The following COX7B2 variants were observed in gnomAD, a reference collection of about 807,000 sequenced individuals.
COX7B2 encodes cytochrome c oxidase subunit 7B2, mitochondrial.
For missense variants in COX7B2, 109 were observed against 95.9 expected (o/e 1.14, Z -0.57); for synonymous variants, 37 against 32.1 (o/e 1.15, Z -0.51).
chr4:46,872,163 C>A (rs976193768), intron 1 of COX7B2, among the ~76,000 whole-genome samples: 1 of 152,154 alleles, frequency 6.6e-6, no homozygotes, highest in Admixed American at 6.5e-5. Context: ...GAGATCATGT[C>A]TTTTGTGGGA....
chr4:46,855,101 G>C (rs540537437), intron 1 of COX7B2, among the ~76,000 whole-genome samples: 121 of 152,236 alleles, frequency 7.9e-4, no homozygotes, highest in African/African-American at 2.8e-3. Context: ...GCTGAGGCAG[G>C]TGGATCACCT....
At chr4:46,823,344 G>A (rs1001344934) in intron 2 of COX7B2, among the ~76,000 whole-genome samples, 1 of 151,378 alleles carries the variant, frequency 6.6e-6, no homozygotes, top group East Asian at 1.9e-4. Context: ...CATATATAAT[G>A]TGTGTATGTA....
At chr4:46,785,231 AC>A (rs1244211774) in intron 2 of COX7B2, among the ~76,000 whole-genome samples, 2 of 152,202 alleles carry the variant, frequency 1.3e-5, no homozygotes, top group Non-Finnish European at 2.9e-5. Context: ...GCAGATGAGA[AC>A]CTGTTGAAGA....
intron 2 of COX7B2, among the ~76,000 whole-genome samples, chr4:46,831,769 C>G (rs1715125689): frequency 6.6e-6 from 1 of 152,148 alleles, no homozygotes; most frequent in Non-Finnish European, 1.5e-5. Flanking sequence ...ATGCACCAAT[C>G]AGCACTCTGT....
At chr4:46,831,680 G>A (rs1179848603) in intron 2 of COX7B2, among the ~76,000 whole-genome samples, 1 of 152,118 alleles carries the variant, frequency 6.6e-6, no homozygotes, top group Admixed American at 6.5e-5. Flanking sequence ...AATCTGGAGG[G>A]GACTTGGAGA....
At chr4:46,765,667 C>A (rs944042461) in intron 2 of COX7B2, among the ~76,000 whole-genome samples, 9 of 151,988 alleles carry the variant, frequency 5.9e-5, no homozygotes, top group African/African-American at 2.2e-4. Flanking sequence ...TCCAGGCCCA[C>A]ACCAACATCA....
In COX7B2 at chr4:46,804,234, G is replaced by A. The variant is rs555098536; in HGVS notation, c.-50+40726C>T. ...GTGAGTGTTACAGCTCATAAAGGTA[G>A]TGCGGACCCAAAGAGTGAGCAGTAG... On this transcript the variant is annotated intron_variant, in intron 2 of 2. Coordinates refer to ENST00000355591, the MANE Select transcript of COX7B2 (RefSeq NM_130902.3). Among the ~76,000 whole-genome samples, 3 of 152,260 alleles carry A rather than the reference G, an allele frequency of 2.0e-5. 1 individual carries two copies. The South Asian group carries it at 6.2e-4, about 32-fold the overall frequency.
At chr4:46,888,963 A>G (rs1719255247) in intron 1 of COX7B2, among the ~76,000 whole-genome samples, 1 of 152,200 alleles carries the variant, frequency 6.6e-6, no homozygotes, top group African/African-American at 2.4e-5. Context: ...TACATTTTAA[A>G]GTAACTAAGA....
Position 46,735,245 on chromosome 4 carries a change from G to A in COX7B2, c.-49-4C>T. 6.3e-7 allele frequency: 1 copy of A among 1,597,972 alleles called. No homozygotes were observed. The highest frequency in any genetic ancestry group is 8.5e-7 in the Non-Finnish European group (1 of 1,172,282). On this transcript the variant is annotated splice_polypyrimidine_tract_variant and splice_region_variant and intron_variant, in intron 2 of 2. Coordinates refer to ENST00000355591, the MANE Select transcript of COX7B2 (RefSeq NM_130902.3). ...GGTCTATTTTGTTGCAAAGAGGCTGGAAAGAGAGAAAAGATATGCATTGAT... is the reference window on the plus strand; with the variant it reads ...GGTCTATTTTGTTGCAAAGAGGCTGAAAAGAGAGAAAAGATATGCATTGAT...
At chr4:46,866,394 C>A (rs1422826210) in intron 1 of COX7B2, among the ~76,000 whole-genome samples, 7 of 152,296 alleles carry the variant, frequency 4.6e-5, no homozygotes, top group African/African-American at 1.7e-4. Flanking sequence ...TCCGACCCTG[C>A]AACTAACTAC....
intron 1 of COX7B2, among the ~76,000 whole-genome samples, chr4:46,893,427 T>C (rs1315343846): frequency 1.3e-5 from 2 of 152,208 alleles, no homozygotes; most frequent in Admixed American, 6.5e-5. Flanking sequence ...TGCACTAGCC[T>C]GTGAGTTCTC....
chr4:46,808,769 T>A (rs968460511), intron 2 of COX7B2, among the ~76,000 whole-genome samples: 1 of 151,876 alleles, frequency 6.6e-6, no homozygotes, highest in African/African-American at 2.4e-5. Flanking sequence ...ACACCAGTGC[T>A]TTTTCTGCAT....
chr4:46,864,991 A>T (rs939640293), intron 1 of COX7B2, among the ~76,000 whole-genome samples: 1 of 152,030 alleles, frequency 6.6e-6, no homozygotes, highest in Non-Finnish European at 1.5e-5. Flanking sequence ...TTGGGGATAC[A>T]TGTGTTTTTT....
intron 1 of COX7B2, among the ~76,000 whole-genome samples, chr4:46,862,740 T>TA (rs1243560636): frequency 6.6e-6 from 1 of 152,176 alleles, no homozygotes; most frequent in Non-Finnish European, 1.5e-5. Flanking sequence ...GTTCAGACTT[T>TA]AAAAATGTTT....
intron 2 of COX7B2, among the ~76,000 whole-genome samples, chr4:46,802,076 G>T (rs558647175): frequency 4.6e-5 from 7 of 152,236 alleles, no homozygotes; most frequent in African/African-American, 1.7e-4. Context: ...AAGGCAATGA[G>T]ATTTCAGTTT....
chr4:46,743,615 G>A (rs748812592), intron 2 of COX7B2, among the ~76,000 whole-genome samples: 15 of 152,084 alleles, frequency 9.9e-5, no homozygotes, highest in East Asian at 1.9e-4. Context: ...ACGGGGTTTC[G>A]ATGTTATCTA....
intron 2 of COX7B2, among the ~76,000 whole-genome samples, chr4:46,803,197 C>T (rs1718755130): frequency 6.6e-6 from 1 of 152,040 alleles, no homozygotes; most frequent in Admixed American, 6.6e-5. Flanking sequence ...TAGCATTTAA[C>T]AACCTTTGGC....
intron 1 of COX7B2, among the ~76,000 whole-genome samples, chr4:46,849,823 G>A (rs1367507011): frequency 6.6e-6 from 1 of 151,926 alleles, no homozygotes; most frequent in Non-Finnish European, 1.5e-5. Context: ...ATCTCCAAAT[G>A]CTATCCCTCC....
At chr4:46,806,578 T>C (rs1297131905) in intron 2 of COX7B2, among the ~76,000 whole-genome samples, 3 of 152,086 alleles carry the variant, frequency 2.0e-5, no homozygotes, top group African/African-American at 7.2e-5. Flanking sequence ...ATGAATCCTG[T>C]ATACAATACA....
Sources: gnomAD v4.1 joint callset for allele counts (sites outside exome capture counted in the v4.1 genomes callset) on GRCh38, gnomAD v4.1.1 for gene constraint, MANE v1.5 for transcripts, NCBI Gene and HGNC (gene_info 2026-07-23, HGNC 2026-07-21) for gene names.